The following NEGR1 variants were observed in gnomAD, a reference collection of about 807,000 sequenced individuals.
NEGR1 encodes the protein IgLON family member 4.
Under a neutral mutation model 40.9 loss-of-function variants are expected in NEGR1, and 10 were observed. The ratio of observed to expected loss-of-function variants is 0.24; its 90% CI spans 0.15 to 0.42. The LOEUF (loss-of-function observed/expected upper bound fraction) is 0.42, where lower values mean the gene tolerates loss of function less well. NEGR1 is among the 10% of genes least tolerant of loss of function. The pLI is 1.00. For missense variants in NEGR1, 352 were observed against 438.9 expected (o/e 0.80, Z 1.77); for synonymous variants, 185 against 166.8 (o/e 1.11, Z -0.84).
chr1:72,062,790 T>C (rs1231121555), intron 1 of NEGR1, among the ~76,000 whole-genome samples: 1 of 151,928 alleles, frequency 6.6e-6, no homozygotes, highest in Non-Finnish European at 1.5e-5. Flanking sequence ...GCCTGTGAAA[T>C]ATGAAGTGGG....
At chr1:71,980,004 T>C (rs576282731) in intron 1 of NEGR1, among the ~76,000 whole-genome samples, 62 of 151,944 alleles carry the variant, frequency 4.1e-4, no homozygotes, top group South Asian at 2.5e-3. Flanking sequence ...CATTTCAGAG[T>C]GGTAAAAGTG....
At chr1:71,540,966 A>G (rs1647672819) in intron 6 of NEGR1, among the ~76,000 whole-genome samples, 1 of 151,412 alleles carries the variant, frequency 6.6e-6, no homozygotes, top group African/African-American at 2.4e-5. Flanking sequence ...GGAGCCACAC[A>G]CTTTTAGAAG....
intron 2 of NEGR1, among the ~76,000 whole-genome samples, chr1:71,866,789 G>A (rs1026219547): frequency 1.3e-5 from 2 of 152,132 alleles, no homozygotes; most frequent in African/African-American, 4.8e-5. Flanking sequence ...ATAAATAAAC[G>A]TGGTAAGAAG....
chr1:71,675,463 G>A (rs1652595044), intron 4 of NEGR1, among the ~76,000 whole-genome samples: 1 of 151,270 alleles, frequency 6.6e-6, no homozygotes, highest in Non-Finnish European at 1.5e-5. Context: ...ATAGATATAT[G>A]TGTATATCTA....
chr1:71,849,684 A>G (rs1352462094), intron 2 of NEGR1, among the ~76,000 whole-genome samples: 1 of 152,108 alleles, frequency 6.6e-6, no homozygotes, highest in African/African-American at 2.4e-5. Flanking sequence ...TATGTGGCAA[A>G]CTTGCTTGTT....
chr1:71,652,503 C>A (rs1391059721), intron 4 of NEGR1, among the ~76,000 whole-genome samples: 2 of 152,052 alleles, frequency 1.3e-5, no homozygotes, highest in Non-Finnish European at 2.9e-5. Context: ...TTATATACTA[C>A]AATATTAGCA....
chr1:71,943,577 G>C lies in NEGR1; in HGVS notation c.177-8266C>G, dbSNP rs562810131. 7.6e-4 allele frequency among the ~76,000 whole-genome samples: 115 copies of C among 152,146 alleles called. 2 individuals carry two copies. Among genetic ancestry groups the C allele is most frequent in the African/African-American group, 2.7e-3 (112 of 41,540 alleles). On this transcript the variant is annotated intron_variant, in intron 1 of 6. Transcript: ENST00000357731. ...ATGCCAAACAATTTTTACATGTAAA[G>C]GGTGCTTCAATACATTATTTGTAAA...
rs113174277 is a variant in NEGR1 at position 71,944,147 on chromosome 1, C to G, written c.177-8836G>C. Among the ~76,000 whole-genome samples, 299 of 152,276 alleles carry G rather than the reference C, an allele frequency of 2.0e-3. 1 individual carries two copies. Among genetic ancestry groups the G allele is most frequent in the African/African-American group, 6.8e-3 (284 of 41,572 alleles). On this transcript the variant is annotated intron_variant, in intron 1 of 6. Coordinates refer to ENST00000357731, the MANE Select transcript of NEGR1 (RefSeq NM_173808.3). ...GGAAGGGCTTCAAGATTTTTGATAA[C>G]TGGCAGGTGCTCTGAACCGCTGTGG... is the stretch of plus-strand genomic sequence containing the variant.
intron 6 of NEGR1, among the ~76,000 whole-genome samples, chr1:71,545,540 G>T (rs1322725990): frequency 6.6e-6 from 1 of 151,628 alleles, no homozygotes; most frequent in Non-Finnish European, 1.5e-5. Context: ...CTATTGTGCT[G>T]TCTGACTCTG....
At chr1:71,595,481 G>A (rs892526322) in intron 5 of NEGR1, among the ~76,000 whole-genome samples, 1 of 152,234 alleles carries the variant, frequency 6.6e-6, no homozygotes, top group Admixed American at 6.5e-5. Flanking sequence ...TTGTGGGAGA[G>A]TGACTTCTGA....
chr1:71,629,044 G>T (rs576760950), intron 4 of NEGR1, among the ~76,000 whole-genome samples: 2 of 152,188 alleles, frequency 1.3e-5, no homozygotes, highest in East Asian at 3.9e-4. Flanking sequence ...GTGTGAAAGT[G>T]TTCATATTTC....
At chr1:71,918,374 T>C (rs1368445175) in intron 2 of NEGR1, among the ~76,000 whole-genome samples, 1 of 151,712 alleles carries the variant, frequency 6.6e-6, no homozygotes, top group Non-Finnish European at 1.5e-5. Flanking sequence ...GGACGGTTTC[T>C]CCTTTGGAGT....
chr1:71,569,946 G>A (rs923397932), intron 6 of NEGR1, among the ~76,000 whole-genome samples: 2 of 151,626 alleles, frequency 1.3e-5, no homozygotes, highest in South Asian at 2.1e-4. Flanking sequence ...GGTGGTTATA[G>A]AGTAACAATC....
chr1:71,960,074 G>T (rs1207763099), intron 1 of NEGR1, among the ~76,000 whole-genome samples: 3 of 152,216 alleles, frequency 2.0e-5, no homozygotes, highest in Admixed American at 1.3e-4. Context: ...AGTAGGGCAA[G>T]CATATATTCC....
intron 1 of NEGR1, among the ~76,000 whole-genome samples, chr1:72,107,302 G>A (rs1009333127): frequency 2.0e-5 from 3 of 151,396 alleles, no homozygotes; most frequent in African/African-American, 7.3e-5. Context: ...TTATACCGTG[G>A]AGTCTATCTA....
Position 71,401,567 on chromosome 1 carries a change from T to C in NEGR1, c.*5879A>G, listed in dbSNP as rs1048630408. The C allele has an allele frequency of 1.3e-5, 2 of 152,248 alleles. No individual in the cohort carries two copies. The highest frequency in any genetic ancestry group is 1.3e-4 in the Admixed American group (2 of 15,284). 9.4% of individuals were successfully genotyped at this position (152,248 alleles called of 1,614,324 possible). On this transcript the variant is annotated 3_prime_UTR_variant, in exon 7 of 7. Transcript: ENST00000357731. ...ATTTCTAGAATTAGAATCTTTCTCT[T>C]GTTCTACTGTCCCAGCACAAACAGA... is the stretch of plus-strand genomic sequence containing the variant.
intron 4 of NEGR1, among the ~76,000 whole-genome samples, chr1:71,620,146 TA>T (rs950898283): frequency 6.6e-6 from 1 of 151,784 alleles, no homozygotes; most frequent in East Asian, 1.9e-4. Flanking sequence ...ACTGCAACAA[TA>T]AAAAAGGGTG....
chr1:71,407,650 G>A (rs940786661), intron 6 of NEGR1, 80 bp from the exon 7 acceptor site: 2 of 1,385,030 alleles, frequency 1.4e-6, no homozygotes, highest in Non-Finnish European at 2.0e-6. Context: ...AGGTAGCCAG[G>A]TGCATCGGGG....
At chr1:72,266,446 C>T (rs1040955366) in intron 1 of NEGR1, among the ~76,000 whole-genome samples, 3 of 150,638 alleles carry the variant, frequency 2.0e-5, no homozygotes, top group Non-Finnish European at 3.0e-5. Context: ...TTCTACACAC[C>T]AAGCCTGTTC....
Sources: gnomAD v4.1 joint callset for allele counts (sites outside exome capture counted in the v4.1 genomes callset) on GRCh38, gnomAD v4.1.1 for gene constraint, MANE v1.5 for transcripts, NCBI Gene and HGNC (gene_info 2026-07-23, HGNC 2026-07-21) for gene names.